Variants in DTX4 observed in about 807,000 individuals in gnomAD.
DTX4 encodes the protein E3 ubiquitin-protein ligase DTX4.
In DTX4, 28 loss-of-function variants were observed where a neutral mutation model predicts 57.6. The observed-to-expected ratio is 0.49, with a 90% CI of 0.36 to 0.67. The LOEUF is 0.67. Among genes scored for constraint, DTX4 ranks in the 30% least tolerant of loss-of-function variants. The pLI, the probability that DTX4 is intolerant of heterozygous loss-of-function variation, is 0.00. For missense variants in DTX4, 715 were observed against 836.8 expected (o/e 0.85, Z 1.80); for synonymous variants, 316 against 331.0 (o/e 0.95, Z 0.49).
rs1454913899 is a variant in DTX4, at chr11:59,207,541, GC to G, written c.*2635del. On this transcript the variant is annotated 3_prime_UTR_variant, in exon 9 of 9. Transcript: ENST00000227451. Reference sequence around the variant, plus strand: ...CCGGCAAGGCGGGGAGCATTCCTCTGCCCTTTGTCTTGTGCCAACCTGGAAA... The same window carrying G: ...CCGGCAAGGCGGGGAGCATTCCTCTGCCTTTGTCTTGTGCCAACCTGGAAA... 1.3e-5 allele frequency: 2 copies of G among 152,730 alleles called. No homozygotes were observed. The highest frequency in any genetic ancestry group is 2.9e-5 in the Non-Finnish European group (2 of 68,138). The allele number at this position is 152,730 out of a possible 1,614,324, so 9.5% of individuals were successfully genotyped here. A position where few individuals can be genotyped will look rare whatever the true frequency, so the allele number is the denominator to read the frequency against.
chr11:59,203,383 AC>A (rs1862762357), intron 8 of DTX4, among the ~76,000 whole-genome samples: 1 of 151,850 alleles, frequency 6.6e-6, no homozygotes, highest in Non-Finnish European at 1.5e-5. Flanking sequence ...ATTTTTAAAA[AC>A]TTTTTTTTTT....
At chr11:59,183,667 T>C (rs970461475) in intron 2 of DTX4, among the ~76,000 whole-genome samples, 7 of 152,172 alleles carry the variant, frequency 4.6e-5, no homozygotes, top group African/African-American at 7.2e-5. Context: ...GCTGGGTCCC[T>C]GCACACAGAG....
chr11:59,176,395 T>C (rs1862396019), intron 1 of DTX4, among the ~76,000 whole-genome samples: 1 of 152,210 alleles, frequency 6.6e-6, no homozygotes, highest in Non-Finnish European at 1.5e-5. Context: ...TGCTCAAGGG[T>C]TTACAGCTAG....
At chr11:59,198,865 G>A (rs1862706613) in intron 7 of DTX4, among the ~76,000 whole-genome samples, 1 of 152,118 alleles carries the variant, frequency 6.6e-6, no homozygotes, top group Admixed American at 6.5e-5. Flanking sequence ...ATTGTTACCG[G>A]GAGAAAATTT....
intron 2 of DTX4, among the ~76,000 whole-genome samples, chr11:59,186,623 C>A (rs762456658): frequency 6.6e-6 from 1 of 152,190 alleles, no homozygotes; most frequent in African/African-American, 2.4e-5. Flanking sequence ...GTTTCCGTAG[C>A]GTCTTCTAAC....
intron 1 of DTX4, 44 bp from the exon 2 acceptor site, chr11:59,181,692 TGTA>T: frequency 6.5e-7 from 1 of 1,547,684 alleles, no homozygotes; most frequent in Non-Finnish European, 8.7e-7. Flanking sequence ...TGCCACTCAG[TGTA>T]ATTGCATGCT....
At position 59,199,639 on chromosome 11, in the gene DTX4, A is replaced by G. The variant is rs762619922; in HGVS notation, c.1537-45A>G. The G allele has an allele frequency of 1.6e-4, 230 of 1,438,212 alleles. 1 individual carries two copies. Among genetic ancestry groups the G allele is most frequent in the Non-Finnish European group, 2.1e-4 (220 of 1,043,658 alleles). 89.1% of individuals were successfully genotyped at this position (1,438,212 alleles called of 1,614,324 possible). A position where few individuals can be genotyped will look rare whatever the true frequency, so the allele number is the denominator to read the frequency against. On this transcript the variant is annotated intron_variant, in intron 7 of 8. Coordinates refer to ENST00000227451, the MANE Select transcript of DTX4 (RefSeq NM_015177.2). The stretch of plus-strand genomic sequence containing the variant: ...ACAGCCTAACCCCGCTCTTATCAGA[A>G]ATATTTTGAAAAATGCCATTTGCTT...
upstream of DTX4, among the ~76,000 whole-genome samples, chr11:59,171,645 G>T (rs1862324232): frequency 6.6e-6 from 1 of 152,172 alleles, no homozygotes; most frequent in East Asian, 1.9e-4. Context: ...CAGGGGGCGT[G>T]TCTTCTGCTT....
At position 59,206,179 on chromosome 11, in the gene DTX4, T is replaced by A. The variant is rs539117711; in HGVS notation, c.*1270T>A. 1.3e-5 allele frequency: 2 copies of A among 152,388 alleles called. No homozygotes were observed. Among genetic ancestry groups the A allele is most frequent in the South Asian group, 2.1e-4 (1 of 4,834 alleles). The allele number at this position is 152,388 out of a possible 1,614,324, so 9.4% of individuals were successfully genotyped here. On this transcript the variant is annotated 3_prime_UTR_variant, in exon 9 of 9. Coordinates refer to ENST00000227451, the MANE Select transcript of DTX4 (RefSeq NM_015177.2). ...AAATTTGCTAATCAGAGCCCAGAGC[T>A]GCTGGGTCCCTCATCTCCCTCATCT...
intron 2 of DTX4, among the ~76,000 whole-genome samples, chr11:59,183,975 T>C (rs1862497069): frequency 6.6e-6 from 1 of 152,186 alleles, no homozygotes; most frequent in Non-Finnish European, 1.5e-5. Flanking sequence ...GCAATAGGGG[T>C]TGGAACCCAG....
intron 4 of DTX4, 87 bp from the exon 5 acceptor site, chr11:59,191,027 C>A: frequency 7.9e-7 from 1 of 1,271,886 alleles, no homozygotes; most frequent in Admixed American, 2.3e-5. Flanking sequence ...TGCCTGATAA[C>A]GTCCCCCTCT....
Position 59,206,064 on chromosome 11 carries a change from A to C in DTX4, c.*1155A>C, listed in dbSNP as rs1402826848. On this transcript the variant is annotated 3_prime_UTR_variant, in exon 9 of 9. Transcript: ENST00000227451. The stretch of plus-strand genomic sequence containing the variant: ...GGAGATGCAATGAGGTGAGGGCTGA[A>C]CTCATCCTTTTATATTTCTTTTCAA... The C allele has an allele frequency of 1.3e-5, 2 of 152,046 alleles. No individual in the cohort carries two copies. Among genetic ancestry groups the C allele is most frequent in the Non-Finnish European group, 2.9e-5 (2 of 68,000 alleles). The allele number at this position is 152,046 out of a possible 1,614,324, so 9.4% of individuals were successfully genotyped here. A position where few individuals can be genotyped will look rare whatever the true frequency, so the allele number is the denominator to read the frequency against.
At chr11:59,181,626 C>T in intron 1 of DTX4, 113 bp from the exon 2 acceptor site, 1 of 1,429,388 alleles carries the variant, frequency 7.0e-7, no homozygotes, top group Admixed American at 2.2e-5. Context: ...GCCCAGTACA[C>T]AGTAGGACTT....
chr11:59,205,004 T>A lies in DTX4; in HGVS notation c.*95T>A. On this transcript the variant is annotated 3_prime_UTR_variant, in exon 9 of 9. Coordinates refer to ENST00000227451, the MANE Select transcript of DTX4 (RefSeq NM_015177.2). ...TGTAGAAGAAGTTGGTGTCCTGCCCTCCCAACTTTCTATCCTCCCCTCCTG... is the reference window on the plus strand; with the variant it reads ...TGTAGAAGAAGTTGGTGTCCTGCCCACCCAACTTTCTATCCTCCCCTCCTG... The A allele has an allele frequency of 9.0e-7, 1 of 1,111,798 alleles. No homozygotes were observed. Among genetic ancestry groups the A allele is most frequent in the Non-Finnish European group, 1.3e-6 (1 of 769,410 alleles). The allele number at this position is 1,111,798 out of a possible 1,614,324, so 68.9% of individuals were successfully genotyped here.
rs374524133 is a variant in DTX4 at position 59,195,623 on chromosome 11, G to A, written c.1536+254G>A. 5.7e-4 allele frequency among the ~76,000 whole-genome samples: 86 copies of A among 151,660 alleles called. 1 individual carries two copies. In the South Asian group the frequency reaches 0.017, roughly 30 times the overall value. ...TTCCCTTTTTTTTTTCACAAACAGT[G>A]ACATTTAGGCACATTGTTTGGCACC... On this transcript the variant is annotated intron_variant, in intron 7 of 8. Coordinates refer to ENST00000227451, the MANE Select transcript of DTX4 (RefSeq NM_015177.2).
At chr11:59,203,761 A>G (rs1862767162) in intron 8 of DTX4, among the ~76,000 whole-genome samples, 1 of 152,248 alleles carries the variant, frequency 6.6e-6, no homozygotes, top group South Asian at 2.1e-4. Flanking sequence ...TCATTGACCA[A>G]AATGTCACTA....
chr11:59,188,374 G>A (rs1302604397), intron 2 of DTX4, among the ~76,000 whole-genome samples: 1 of 152,182 alleles, frequency 6.6e-6, no homozygotes, highest in Admixed American at 6.5e-5. Context: ...TGGTGGAAGG[G>A]CATTTTGGGT....
chr11:59,200,210 C>T (rs960064854), intron 8 of DTX4, among the ~76,000 whole-genome samples: 9 of 152,204 alleles, frequency 5.9e-5, no homozygotes, highest in African/African-American at 1.7e-4. Flanking sequence ...TCTTGTGACA[C>T]TTATTCACTA....
At chr11:59,201,742 A>T (rs1862743049) in intron 8 of DTX4, among the ~76,000 whole-genome samples, 1 of 152,248 alleles carries the variant, frequency 6.6e-6, no homozygotes, top group Non-Finnish European at 1.5e-5. Context: ...TTGAAGAGCC[A>T]GATTTCTGTG....
Sources: allele counts gnomAD v4.1 joint callset (sites outside exome capture counted in the v4.1 genomes callset), GRCh38; gene constraint gnomAD v4.1.1; transcripts MANE v1.5; gene names NCBI Gene and HGNC (gene_info 2026-07-23, HGNC 2026-07-21).